Variants in SDK1 observed in about 807,000 individuals in gnomAD.
SDK1 encodes the protein sidekick cell adhesion molecule 1, also known as protein sidekick-1.
In SDK1, 157 loss-of-function variants were observed where a neutral mutation model predicts 245.5. The ratio of observed to expected loss-of-function variants is 0.64; its 90% CI spans 0.56 to 0.73. SDK1 has a LOEUF of 0.73. Among genes scored for constraint, SDK1 ranks in the 30% least tolerant of loss-of-function variants. The pLI is 0.00. For missense variants in SDK1, 3,583 were observed against 3,002.3 expected, an observed-to-expected ratio of 1.19 and a Z score of -4.52; for synonymous variants, 1,647 against 1,278.5, an observed-to-expected ratio of 1.29 and a Z score of -6.15.
intron 1 of SDK1, among the ~76,000 whole-genome samples, chr7:3,474,910 T>C (rs1026519361): frequency 6.6e-6 from 1 of 152,102 alleles, no homozygotes; most frequent in East Asian, 1.9e-4. Context: ...CAAGCTGGTA[T>C]TGAACTCCTG....
intron 44 of SDK1, among the ~76,000 whole-genome samples, chr7:4,264,273 G>A (rs111914341): frequency 4.0e-5 from 4 of 99,986 alleles, no homozygotes; most frequent in African/African-American, 1.2e-4. Context: ...TGGGGAGGCC[G>A]CGTAGACCTC....
At chr7:3,666,498 C>A (rs1783536482) in intron 4 of SDK1, among the ~76,000 whole-genome samples, 1 of 152,200 alleles carries the variant, frequency 6.6e-6, no homozygotes, top group South Asian at 2.1e-4. Context: ...CGACACACAG[C>A]AGGTTCAGTG....
At chr7:3,612,874 G>A (rs925100809) in intron 1 of SDK1, among the ~76,000 whole-genome samples, 6 of 152,070 alleles carry the variant, frequency 3.9e-5, no homozygotes, top group East Asian at 1.9e-4. Flanking sequence ...TCACTTCACC[G>A]GGACACGTGG....
At chr7:4,126,361 C>T (rs1298119270) in intron 25 of SDK1, among the ~76,000 whole-genome samples, 3 of 152,244 alleles carry the variant, frequency 2.0e-5, no homozygotes, top group Non-Finnish European at 4.4e-5. Context: ...TCAGTGCAAA[C>T]ATATCAAGAC....
At chr7:3,493,343 C>T (rs746605397) in intron 1 of SDK1, among the ~76,000 whole-genome samples, 1 of 152,230 alleles carries the variant, frequency 6.6e-6, no homozygotes, top group South Asian at 2.1e-4. Flanking sequence ...CAGCTAAACT[C>T]TACCTCAGTT....
chr7:3,622,924 C>T (rs1231686073), intron 2 of SDK1, among the ~76,000 whole-genome samples: 1 of 151,862 alleles, frequency 6.6e-6, no homozygotes, highest in East Asian at 1.9e-4. Context: ...GATATAAAAC[C>T]TGTCTAAAAA....
intron 35 of SDK1, among the ~76,000 whole-genome samples, chr7:4,205,352 C>T (rs1489539777): frequency 1.3e-5 from 2 of 152,102 alleles, no homozygotes; most frequent in Non-Finnish European, 2.9e-5. Flanking sequence ...TGACAAAAAC[C>T]ACAGCAGTCA....
chr7:4,178,221 G>T (rs1782357909), intron 34 of SDK1, among the ~76,000 whole-genome samples: 1 of 152,204 alleles, frequency 6.6e-6, no homozygotes. Flanking sequence ...CTTTACTTTA[G>T]AGGAGGGAGC....
At chr7:3,957,248 T>C (rs2128127757) in intron 7 of SDK1, among the ~76,000 whole-genome samples, 1 of 152,330 alleles carries the variant, frequency 6.6e-6, no homozygotes, top group South Asian at 2.1e-4. Flanking sequence ...CGTAATAATG[T>C]TGCATGGGAC....
At chr7:4,073,672 G>A (rs1462707514) in intron 20 of SDK1, among the ~76,000 whole-genome samples, 1 of 152,232 alleles carries the variant, frequency 6.6e-6, no homozygotes, top group Non-Finnish European at 1.5e-5. Flanking sequence ...TTGACCAGGT[G>A]TGACCCACCA....
intron 14 of SDK1, among the ~76,000 whole-genome samples, chr7:3,993,108 C>G (rs1009015435): frequency 2.6e-5 from 4 of 152,004 alleles, no homozygotes; most frequent in Admixed American, 1.3e-4. Flanking sequence ...GTTATTTTAC[C>G]TTCTTAAAAA....
At chr7:3,347,345 A>G (rs371501471) in intron 1 of SDK1, among the ~76,000 whole-genome samples, 1 of 152,064 alleles carries the variant, frequency 6.6e-6, no homozygotes, top group East Asian at 1.9e-4. Context: ...TTGCATTATT[A>G]GTGTATATAT....
intron 14 of SDK1, among the ~76,000 whole-genome samples, chr7:4,008,688 G>A (rs1304570734): frequency 6.6e-6 from 1 of 152,196 alleles, no homozygotes; most frequent in Non-Finnish European, 1.5e-5. Flanking sequence ...ACTGTGGCAT[G>A]CCTGGGCATC....
intron 1 of SDK1, among the ~76,000 whole-genome samples, chr7:3,577,174 G>C (rs760551977): frequency 1.3e-5 from 2 of 151,982 alleles, no homozygotes; most frequent in Non-Finnish European, 2.9e-5. Flanking sequence ...ATCTGGAATC[G>C]CAGACCTACT....
At chr7:3,774,504 C>G (rs1190816982) in intron 4 of SDK1, among the ~76,000 whole-genome samples, 3 of 152,198 alleles carry the variant, frequency 2.0e-5, no homozygotes, top group African/African-American at 7.2e-5. Context: ...ATAGGTAGCT[C>G]TATTATGCCA....
rs943555487 is a variant in SDK1 at position 4,127,321 on chromosome 7, A to T, written c.3824-60A>T. On this transcript the variant is annotated intron_variant, in intron 25 of 44. Transcript: ENST00000404826. ...ACTTGATTATTTGGGTGAAAGCTGG[A>T]TCTTTGTATGTAGACACTCTAGATT... The T allele has an allele frequency of 1.2e-5, 15 of 1,266,972 alleles. No individual in the cohort carries two copies. The Middle Eastern group carries it at 5.6e-4, about 47-fold the overall frequency. 78.5% of individuals were successfully genotyped at this position (1,266,972 alleles called of 1,614,324 possible). A position where few individuals can be genotyped will look rare whatever the true frequency, so the allele number is the denominator to read the frequency against.
rs140352311 is a variant in SDK1, at chr7:3,342,655, A to T, written c.298+40771A>T. 3.3e-5 allele frequency among the ~76,000 whole-genome samples: 5 copies of T among 152,324 alleles called. No homozygotes were observed. In the East Asian group the frequency reaches 9.6e-4, roughly 29 times the overall value. On this transcript the variant is annotated intron_variant, in intron 1 of 44. Transcript: ENST00000404826. ...TAAGCAATAAGTTCTTAGTCTTTAC[A>T]CCAAAATCACAATCCATAAAAGAAA...
At chr7:3,360,444 G>A (rs1780921382) in intron 1 of SDK1, among the ~76,000 whole-genome samples, 1 of 152,216 alleles carries the variant, frequency 6.6e-6, no homozygotes. Context: ...CCACTCAGAT[G>A]CCAGGCTTAT....
At chr7:3,611,833 A>G (rs1003913166) in intron 1 of SDK1, among the ~76,000 whole-genome samples, 3 of 151,904 alleles carry the variant, frequency 2.0e-5, no homozygotes, top group African/African-American at 7.2e-5. Flanking sequence ...ATAATAGATG[A>G]TTGTGGTGAT....
Sources: allele counts gnomAD v4.1 joint callset (sites outside exome capture counted in the v4.1 genomes callset), GRCh38; gene constraint gnomAD v4.1.1; transcripts MANE v1.5; gene names NCBI Gene and HGNC (gene_info 2026-07-23, HGNC 2026-07-21).